The following TPST1 variants were observed in gnomAD, a reference collection of about 807,000 sequenced individuals.
TPST1 encodes tyrosylprotein sulfotransferase 1.
A neutral mutation model predicts 34.8 loss-of-function variants in TPST1; 20 were observed. The ratio of observed to expected loss-of-function variants is 0.57; its 90% CI spans 0.40 to 0.84. The LOEUF is 0.84. Ranked by LOEUF, TPST1 falls within the 40% of genes least tolerant of loss-of-function variation. The probability of loss-of-function intolerance (pLI) is 0.00; values close to 1 mark genes in which losing one functional copy is unlikely to be tolerated. For missense variants in TPST1, 353 were observed against 455.5 expected, an observed-to-expected ratio of 0.78 and a Z score of 2.05; for synonymous variants, 152 against 159.4, an observed-to-expected ratio of 0.95 and a Z score of 0.35.
intron 1 of TPST1, among the ~76,000 whole-genome samples, chr7:66,234,603 GT>G (rs1789872267): frequency 6.6e-6 from 1 of 152,156 alleles, no homozygotes; most frequent in African/African-American, 2.4e-5. Context: ...GTTACCATTT[GT>G]TTTGCTCTAT....
At chr7:66,304,406 T>G (rs975859875) in intron 3 of TPST1, among the ~76,000 whole-genome samples, 1 of 152,204 alleles carries the variant, frequency 6.6e-6, no homozygotes, top group Non-Finnish European at 1.5e-5. Context: ...CCCTGACCTC[T>G]TAAAAATAAT....
At chr7:66,207,972 CT>C (rs946983563) in intron 1 of TPST1, among the ~76,000 whole-genome samples, 34 of 149,364 alleles carry the variant, frequency 2.3e-4, no homozygotes, top group Admixed American at 8.7e-4. Flanking sequence ...TTCATAACAT[CT>C]TTTTTTTTTC....
At chr7:66,199,740 GTC>G in the TPST1 span, among the ~76,000 whole-genome samples, 4 of 141,798 alleles carry the variant, frequency 2.8e-5, no homozygotes, top group Non-Finnish European at 6.1e-5. Context: ...CTGAGACAGA[GTC>G]TCGCTCTGTC....
chr7:66,327,003 T>C (rs536486314), intron 3 of TPST1, among the ~76,000 whole-genome samples: 10 of 152,188 alleles, frequency 6.6e-5, no homozygotes, highest in Non-Finnish European at 1.3e-4. Flanking sequence ...ATCAGCTGTT[T>C]TACAGTATTT....
chr7:66,280,715 A>G (rs1465896659), intron 2 of TPST1, among the ~76,000 whole-genome samples: 1 of 152,124 alleles, frequency 6.6e-6, no homozygotes, highest in Non-Finnish European at 1.5e-5. Flanking sequence ...CCAGTATGGT[A>G]TGCTTCCAGC....
chr7:66,255,316 G>A (rs1454915376), intron 2 of TPST1, among the ~76,000 whole-genome samples: 1 of 152,006 alleles, frequency 6.6e-6, no homozygotes, highest in Admixed American at 6.5e-5. Context: ...TGCAATTATA[G>A]GACAGCTACT....
chr7:66,328,906 A>ATATATT (rs1299138303), intron 3 of TPST1, among the ~76,000 whole-genome samples: 20 of 13,160 alleles, frequency 1.5e-3, no homozygotes, highest in Admixed American at 3.5e-3. Flanking sequence ...ATATATATAT[A>ATATATT]TTTTTTTTTT....
At chr7:66,239,756 C>T (rs1789988062) in intron 1 of TPST1, among the ~76,000 whole-genome samples, 1 of 152,170 alleles carries the variant, frequency 6.6e-6, no homozygotes, top group African/African-American at 2.4e-5. Flanking sequence ...AGGTACATAG[C>T]TTCAAAATTA....
intron 5 of TPST1, among the ~76,000 whole-genome samples, chr7:66,358,461 A>C (rs1051406910): frequency 5.9e-5 from 9 of 151,938 alleles, no homozygotes; most frequent in Non-Finnish European, 1.3e-4. Flanking sequence ...AGATACGCTA[A>C]ATTATATATA....
intron 1 of TPST1, among the ~76,000 whole-genome samples, chr7:66,229,375 G>T (rs559508033): frequency 2.6e-5 from 4 of 152,316 alleles, no homozygotes; most frequent in Admixed American, 2.0e-4. Flanking sequence ...CTCCCAAAAT[G>T]CTGGGATTAC....
Position 66,270,007 on chromosome 7 carries a change from A to C in TPST1, c.846-16504A>C, listed in dbSNP as rs1790673643. Among the ~76,000 whole-genome samples, 3 of 152,200 alleles carry C rather than the reference A, an allele frequency of 2.0e-5. No individual in the cohort carries two copies. In the South Asian group the frequency reaches 6.2e-4, roughly 31 times the overall value. ...AAAAAGGAAAAACAGAGGAAAGTAAAGGGGACCAGGGCCCAGAGGATTTTG... is the reference window on the plus strand; with the variant it reads ...AAAAAGGAAAAACAGAGGAAAGTAACGGGGACCAGGGCCCAGAGGATTTTG... On this transcript the variant is annotated intron_variant, in intron 2 of 5. Coordinates refer to ENST00000304842, the MANE Select transcript of TPST1 (RefSeq NM_003596.4).
At chr7:66,230,925 G>A (rs762087977) in intron 1 of TPST1, among the ~76,000 whole-genome samples, 6 of 152,124 alleles carry the variant, frequency 3.9e-5, no homozygotes, top group Non-Finnish European at 8.8e-5. Context: ...ACAGTGTATC[G>A]ACACAAAGGT....
intron 4 of TPST1, among the ~76,000 whole-genome samples, chr7:66,354,462 G>A (rs1792541707): frequency 7.6e-6 from 1 of 131,312 alleles, no homozygotes; most frequent in Admixed American, 9.2e-5. Context: ...AAAATAATTA[G>A]CAAGACTTGG....
intron 4 of TPST1, among the ~76,000 whole-genome samples, chr7:66,355,310 A>G (rs918466027): frequency 7.6e-6 from 1 of 131,528 alleles, no homozygotes; most frequent in Non-Finnish European, 1.7e-5. Flanking sequence ...CATCTCTACT[A>G]AAAATACAAA....
intron 3 of TPST1, among the ~76,000 whole-genome samples, chr7:66,335,120 C>G (rs2116295147): frequency 6.6e-6 from 1 of 152,302 alleles, no homozygotes; most frequent in Admixed American, 6.5e-5. Context: ...TTCCACAAAA[C>G]TTAGTGCTCA....
At chr7:66,358,084 CA>C (rs978615275) in intron 5 of TPST1, among the ~76,000 whole-genome samples, 40 of 134,626 alleles carry the variant, frequency 3.0e-4, no homozygotes, top group Admixed American at 4.5e-4. Context: ...GACTTCGTCT[CA>C]AAAAAAAAAA....
intron 3 of TPST1, among the ~76,000 whole-genome samples, chr7:66,306,647 A>ACT (rs1791428915): frequency 6.6e-6 from 1 of 152,120 alleles, no homozygotes. Context: ...CCAACTTTTT[A>ACT]CTTCCCTCCA....
At chr7:66,202,838 T>A (rs187643053), upstream of TPST1, among the ~76,000 whole-genome samples, 10 of 152,132 alleles carry the variant, frequency 6.6e-5, no homozygotes, top group Non-Finnish European at 1.2e-4. Flanking sequence ...CTTTGGAAGG[T>A]GGAGCCGGGC....
intron 2 of TPST1, among the ~76,000 whole-genome samples, chr7:66,269,467 T>A (rs944468682): frequency 1.3e-5 from 2 of 152,226 alleles, no homozygotes; most frequent in Non-Finnish European, 2.9e-5. Context: ...GTCAACAGAA[T>A]GTACTACATC....
Sources: allele counts gnomAD v4.1 joint callset (sites outside exome capture counted in the v4.1 genomes callset), GRCh38; gene constraint gnomAD v4.1.1; transcripts MANE v1.5; gene names NCBI Gene and HGNC (gene_info 2026-07-23, HGNC 2026-07-21).